The following KHDRBS2 variants were observed in gnomAD, a reference collection of about 807,000 sequenced individuals.
KHDRBS2 encodes the protein KH domain-containing, RNA-binding, signal transduction-associated protein 2.
KHDRBS2 carries 26 observed loss-of-function variants against 44.3 expected under a neutral mutation model. That is an observed-to-expected ratio of 0.59 (90% CI 0.43 to 0.81). The LOEUF (loss-of-function observed/expected upper bound fraction) is 0.81, where lower values mean the gene tolerates loss of function less well. Among genes scored for constraint, KHDRBS2 ranks in the 40% least tolerant of loss-of-function variants. The pLI, the probability that KHDRBS2 is intolerant of heterozygous loss-of-function variation, is 0.00. For missense variants in KHDRBS2, 476 were observed against 433.1 expected (o/e 1.10, Z -0.88); for synonymous variants, 194 against 151.1 (o/e 1.28, Z -2.08).
chr6:62,178,633 A>G (rs1821629940), intron 1 of KHDRBS2, among the ~76,000 whole-genome samples: 1 of 151,604 alleles, frequency 6.6e-6, no homozygotes, highest in South Asian at 2.1e-4. Flanking sequence ...GTGTAGTTAC[A>G]ACTACAGTCA....
intron 2 of KHDRBS2, among the ~76,000 whole-genome samples, chr6:62,096,815 T>A (rs572123164): frequency 6.2e-4 from 94 of 151,918 alleles, no homozygotes; most frequent in African/African-American, 2.2e-3. Flanking sequence ...GTTGTTTATT[T>A]TATTTTATTT....
chr6:61,797,945 T>A (rs1785640550), intron 6 of KHDRBS2, among the ~76,000 whole-genome samples: 1 of 151,940 alleles, frequency 6.6e-6, no homozygotes. Flanking sequence ...TGGGGTTTAG[T>A]ATACAAATGA....
intron 6 of KHDRBS2, among the ~76,000 whole-genome samples, chr6:61,767,479 G>T (rs1780184307): frequency 6.6e-6 from 1 of 151,958 alleles, no homozygotes; most frequent in Non-Finnish European, 1.5e-5. Context: ...TGATAAGTAA[G>T]GATTTACTCC....
intron 1 of KHDRBS2, among the ~76,000 whole-genome samples, chr6:62,214,639 A>T (rs1216929585): frequency 1.3e-5 from 2 of 151,876 alleles, no homozygotes; most frequent in Non-Finnish European, 2.9e-5. Context: ...ACCAGAACTC[A>T]TTCACATGAC....
At chr6:62,276,970 T>G (rs1259398515) in intron 1 of KHDRBS2, among the ~76,000 whole-genome samples, 1 of 152,190 alleles carries the variant, frequency 6.6e-6, no homozygotes, top group Non-Finnish European at 1.5e-5. Context: ...CTAATGCTAA[T>G]AACTACACAA....
intron 8 of KHDRBS2, among the ~76,000 whole-genome samples, chr6:61,694,635 T>G (rs773029864): frequency 1.3e-5 from 2 of 152,198 alleles, no homozygotes; most frequent in Non-Finnish European, 2.9e-5. Context: ...GTGGATGCTC[T>G]AAAATGCTAG....
the KHDRBS2 span, among the ~76,000 whole-genome samples, chr6:61,627,452 G>A: frequency 1.3e-5 from 2 of 152,128 alleles, no homozygotes; most frequent in African/African-American, 4.8e-5. Context: ...GATTAGATGA[G>A]TACAGATTGG....
At chr6:62,000,942 A>G (rs182789138) in intron 3 of KHDRBS2, among the ~76,000 whole-genome samples, 84 of 152,308 alleles carry the variant, frequency 5.5e-4, no homozygotes, top group African/African-American at 1.9e-3. Flanking sequence ...TGTTTAGTTG[A>G]CATACAAATA....
chr6:61,606,137 C>T, the KHDRBS2 span, among the ~76,000 whole-genome samples: 2 of 152,158 alleles, frequency 1.3e-5, no homozygotes, highest in Non-Finnish European at 1.5e-5. Flanking sequence ...CCATCCAAAT[C>T]TTATAAAAAG....
At position 62,033,964 on chromosome 6, in the gene KHDRBS2, T is replaced by A. The variant is rs533242205; in HGVS notation, c.336+13914A>T. Among the ~76,000 whole-genome samples, 16 of 151,406 alleles carry A rather than the reference T, an allele frequency of 1.1e-4. 1 individual carries two copies. Among genetic ancestry groups the A allele is most frequent in the African/African-American group, 3.6e-4 (15 of 41,408 alleles). ...AGAGAGAAGGTCCAAATAAATAAAA[T>A]CAGAGATGAAAAAGGAGACATTACA... On this transcript the variant is annotated intron_variant, in intron 3 of 8. Coordinates refer to ENST00000281156, the MANE Select transcript of KHDRBS2 (RefSeq NM_152688.4).
the KHDRBS2 span, among the ~76,000 whole-genome samples, chr6:61,642,998 G>C: frequency 1.3e-5 from 2 of 152,148 alleles, no homozygotes; most frequent in African/African-American, 4.8e-5. Context: ...AATTATTTGG[G>C]AGATGCATGG....
At chr6:62,177,727 A>G (rs1420065707) in intron 1 of KHDRBS2, among the ~76,000 whole-genome samples, 1 of 151,466 alleles carries the variant, frequency 6.6e-6, no homozygotes, top group Non-Finnish European at 1.5e-5. Context: ...ACTCAGAATT[A>G]TTCCTAAGAA....
intron 1 of KHDRBS2, among the ~76,000 whole-genome samples, chr6:62,180,538 C>A (rs567817943): frequency 6.6e-6 from 1 of 151,664 alleles, no homozygotes; most frequent in Non-Finnish European, 1.5e-5. Context: ...TGAAATAAAT[C>A]AAAGGAGACA....
At chr6:62,262,287 T>C (rs868789122) in intron 1 of KHDRBS2, among the ~76,000 whole-genome samples, 12 of 151,796 alleles carry the variant, frequency 7.9e-5, no homozygotes, top group African/African-American at 2.4e-4. Context: ...ATTCTCTTAG[T>C]ACAAAACCAC....
chr6:62,061,291 T>G (rs1355267824), intron 2 of KHDRBS2, among the ~76,000 whole-genome samples: 8 of 151,910 alleles, frequency 5.3e-5, no homozygotes, highest in Non-Finnish European at 1.2e-4. Context: ...CATTTCGGCA[T>G]GATTTTGCAG....
intron 2 of KHDRBS2, among the ~76,000 whole-genome samples, chr6:62,170,512 G>A (rs1274577623): frequency 6.6e-6 from 1 of 152,098 alleles, no homozygotes; most frequent in African/African-American, 2.4e-5. Context: ...AGGACAGTAA[G>A]AGCCTATCCG....
the KHDRBS2 span, among the ~76,000 whole-genome samples, chr6:61,549,651 A>C: frequency 1.5e-4 from 23 of 152,306 alleles, no homozygotes; most frequent in Middle Eastern, 3.4e-3. Context: ...AATAACTACT[A>C]GTTGGAAGAG....
At chr6:62,150,587 A>C (rs1433591879) in intron 2 of KHDRBS2, among the ~76,000 whole-genome samples, 2 of 152,176 alleles carry the variant, frequency 1.3e-5, no homozygotes, top group Non-Finnish European at 2.9e-5. Context: ...TTTTCTTTCT[A>C]AATGGTGTTC....
intron 6 of KHDRBS2, among the ~76,000 whole-genome samples, chr6:61,808,173 A>T (rs767066707): frequency 6.6e-6 from 1 of 152,054 alleles, no homozygotes; most frequent in Non-Finnish European, 1.5e-5. Context: ...TGGGGGTGTA[A>T]GCTCAACCAC....
Sources: gnomAD v4.1 joint callset for allele counts (sites outside exome capture counted in the v4.1 genomes callset) on GRCh38, gnomAD v4.1.1 for gene constraint, MANE v1.5 for transcripts, NCBI Gene and HGNC (gene_info 2026-07-23, HGNC 2026-07-21) for gene names.